ARHGEF3: variants seen among roughly 807,000 people sequenced by gnomAD.
The protein encoded by ARHGEF3 is Rho guanine nucleotide exchange factor 3, also known as 59.8 kDA protein.
A neutral mutation model predicts 63.2 loss-of-function variants in ARHGEF3; 28 were observed. The observed-to-expected ratio is 0.44, with a 90% CI of 0.33 to 0.61. ARHGEF3 has a LOEUF of 0.61. Ranked by LOEUF, ARHGEF3 falls within the 20% of genes least tolerant of loss-of-function variation. The pLI, the probability that ARHGEF3 is intolerant of heterozygous loss-of-function variation, is 0.03. For missense variants in ARHGEF3, 533 were observed against 659.3 expected (o/e 0.81, Z 2.10); for synonymous variants, 266 against 254.2 (o/e 1.05, Z -0.44).
chr3:56,752,920 T>C (rs903247984), intron 4 of ARHGEF3, among the ~76,000 whole-genome samples: 2 of 152,182 alleles, frequency 1.3e-5, no homozygotes, highest in African/African-American at 4.8e-5. Context: ...AGGCTGTGAA[T>C]ATCAGATGAA....
chr3:57,018,099 T>C (rs1703096570), intron 2 of ARHGEF3, among the ~76,000 whole-genome samples: 1 of 151,956 alleles, frequency 6.6e-6, no homozygotes, highest in Non-Finnish European at 1.5e-5. Flanking sequence ...GCCAACATGG[T>C]GAAACCCCAT....
intron 1 of ARHGEF3, among the ~76,000 whole-genome samples, chr3:56,797,193 A>G (rs2037412039): frequency 6.6e-6 from 1 of 152,194 alleles, no homozygotes; most frequent in African/African-American, 2.4e-5. Context: ...GGTCACATCA[A>G]CTAGCAGGTG....
chr3:56,882,992 G>T (rs2040819635), intron 3 of ARHGEF3, among the ~76,000 whole-genome samples: 1 of 152,166 alleles, frequency 6.6e-6, no homozygotes, highest in African/African-American at 2.4e-5. Flanking sequence ...ACAAAGTTCA[G>T]ATTCTGACTA....
chr3:56,834,798 G>C (rs1310536772), intron 4 of ARHGEF3, among the ~76,000 whole-genome samples: 1 of 150,096 alleles, frequency 6.7e-6, no homozygotes, highest in Admixed American at 6.6e-5. Flanking sequence ...ATATGAACAG[G>C]AACAATGCTG....
intron 3 of ARHGEF3, among the ~76,000 whole-genome samples, chr3:56,957,135 A>G (rs773913676): frequency 6.6e-6 from 1 of 152,218 alleles, no homozygotes. Context: ...CCTACCCACA[A>G]AACCATAAAT....
intron 4 of ARHGEF3, among the ~76,000 whole-genome samples, chr3:56,811,128 T>C (rs772937091): frequency 6.6e-6 from 1 of 152,154 alleles, no homozygotes; most frequent in Non-Finnish European, 1.5e-5. Flanking sequence ...AAGGATATGA[T>C]GAAAAATTGA....
chr3:56,738,070 A>G (rs1030982521), intron 7 of ARHGEF3, among the ~76,000 whole-genome samples: 18 of 151,558 alleles, frequency 1.2e-4, no homozygotes, highest in Admixed American at 3.3e-4. Flanking sequence ...TTTGAGACGG[A>G]GTCTCACTCT....
chr3:57,079,032 C>T, intron 1 of ARHGEF3: 1 of 339,252 alleles, frequency 2.9e-6, no homozygotes, highest in Non-Finnish European at 5.3e-6. Flanking sequence ...CAGGGCCCGC[C>T]GGGGACGCCG....
intron 3 of ARHGEF3, among the ~76,000 whole-genome samples, chr3:56,889,416 C>T (rs549001401): frequency 6.6e-6 from 1 of 152,294 alleles, no homozygotes; most frequent in East Asian, 1.9e-4. Context: ...CAGGTGCCTT[C>T]CAATACAAAA....
At chr3:56,914,452 G>A (rs1578831793) in intron 3 of ARHGEF3, among the ~76,000 whole-genome samples, 1 of 152,162 alleles carries the variant, frequency 6.6e-6, no homozygotes, top group Non-Finnish European at 1.5e-5. Context: ...TGTTTAATGT[G>A]GGGCATGCAG....
intron 3 of ARHGEF3, among the ~76,000 whole-genome samples, chr3:56,923,374 A>G (rs2042201581): frequency 6.6e-6 from 1 of 152,056 alleles, no homozygotes; most frequent in Non-Finnish European, 1.5e-5. Context: ...AGAAGAGGAA[A>G]TTTTTTGGTG....
At chr3:57,063,740 A>G (rs1024729732) in intron 1 of ARHGEF3, among the ~76,000 whole-genome samples, 1 of 152,144 alleles carries the variant, frequency 6.6e-6, no homozygotes, top group Admixed American at 6.5e-5. Flanking sequence ...GCAACAGAGA[A>G]CAGGCCATTG....
At chr3:56,860,175 ATTTT>A (rs1393566394) in intron 4 of ARHGEF3, among the ~76,000 whole-genome samples, 1 of 152,044 alleles carries the variant, frequency 6.6e-6, no homozygotes, top group African/African-American at 2.4e-5. Context: ...GTTCATATTT[ATTTT>A]TTATTTTTAT....
chr3:57,073,861 G>A, intron 1 of ARHGEF3: 1 of 1,614,220 alleles, frequency 6.2e-7, no homozygotes, highest in Non-Finnish European at 8.5e-7. Context: ...TCATGCCAGG[G>A]TCCAGGTGTC....
intron 2 of ARHGEF3, among the ~76,000 whole-genome samples, chr3:56,772,539 C>T (rs2036061945): frequency 6.6e-6 from 1 of 152,130 alleles, no homozygotes; most frequent in African/African-American, 2.4e-5. Flanking sequence ...ACCAGGTGAG[C>T]CTTTTCATGG....
At chr3:56,804,105 C>T (rs2037780284), upstream of ARHGEF3, among the ~76,000 whole-genome samples, 1 of 152,004 alleles carries the variant, frequency 6.6e-6, no homozygotes, top group African/African-American at 2.4e-5. Flanking sequence ...GGCTGGTCTC[C>T]AACCCCTGAG....
intron 1 of ARHGEF3, among the ~76,000 whole-genome samples, chr3:57,072,321 G>A (rs1705953024): frequency 6.6e-6 from 1 of 152,030 alleles, no homozygotes; most frequent in South Asian, 2.1e-4. Context: ...TCTTCCCTGA[G>A]GAATGGAAGA....
At chr3:57,073,692 C>A in intron 1 of ARHGEF3, 3 of 1,605,976 alleles carry the variant, frequency 1.9e-6, no homozygotes, top group Admixed American at 1.7e-5. Flanking sequence ...TGACTTGGGC[C>A]CCATGTCCAG....
chr3:56,878,802 T>C (rs1018541776), intron 4 of ARHGEF3, among the ~76,000 whole-genome samples: 1 of 152,146 alleles, frequency 6.6e-6, no homozygotes, highest in African/African-American at 2.4e-5. Context: ...AAATAAACAT[T>C]CTATAGGGCC....
Sources: allele counts gnomAD v4.1 joint callset (sites outside exome capture counted in the v4.1 genomes callset), GRCh38; gene constraint gnomAD v4.1.1; transcripts MANE v1.5; gene names NCBI Gene and HGNC (gene_info 2026-07-23, HGNC 2026-07-21).